The following PRELID2 variants were observed in gnomAD, a reference collection of about 807,000 sequenced individuals.
PRELID2 encodes the protein PRELI domain containing 2.
PRELID2 carries 25 observed loss-of-function variants against 28.4 expected under a neutral mutation model. That is an observed-to-expected ratio of 0.88 (90% CI 0.64 to 1.23). The LOEUF is 1.23. PRELID2 is among the 50% of genes most tolerant of loss of function. The pLI, the probability that PRELID2 is intolerant of heterozygous loss-of-function variation, is 0.00. For synonymous variants in PRELID2, 76 were observed against 71.6 expected (o/e 1.06, Z -0.31); for missense variants, 201 against 214.4 (o/e 0.94, Z 0.39).
intron 1 of PRELID2, among the ~76,000 whole-genome samples, chr5:145,592,833 A>C (rs576127885): frequency 6.6e-6 from 1 of 152,246 alleles, no homozygotes; most frequent in Non-Finnish European, 1.5e-5. Flanking sequence ...TATTAAGCTA[A>C]CTATGTAATG....
At chr5:145,784,648 A>T (rs2149799923) in intron 5 of PRELID2, among the ~76,000 whole-genome samples, 1 of 152,342 alleles carries the variant, frequency 6.6e-6, no homozygotes, top group Admixed American at 6.5e-5. Flanking sequence ...ATAGAAACCA[A>T]CAATAACAGC....
the PRELID2 span, among the ~76,000 whole-genome samples, chr5:145,246,172 C>A: frequency 1.3e-5 from 2 of 152,044 alleles, no homozygotes; most frequent in Non-Finnish European, 2.9e-5. Flanking sequence ...TAATTAATGT[C>A]ACGTGTCTTT....
At chr5:145,350,889 T>C in the PRELID2 span, among the ~76,000 whole-genome samples, 3 of 152,154 alleles carry the variant, frequency 2.0e-5, no homozygotes, top group Non-Finnish European at 4.4e-5. Context: ...GCTTGTGAGA[T>C]TTGGTCTTAG....
chr5:145,327,538 T>A, the PRELID2 span, among the ~76,000 whole-genome samples: 1 of 152,108 alleles, frequency 6.6e-6, no homozygotes, highest in African/African-American at 2.4e-5. Flanking sequence ...GTAGGAAGCA[T>A]ATTACTGGAT....
intron 1 of PRELID2, among the ~76,000 whole-genome samples, chr5:145,527,412 C>A (rs1752617502): frequency 6.6e-6 from 1 of 152,150 alleles, no homozygotes; most frequent in Non-Finnish European, 1.5e-5. Flanking sequence ...CTGGGTTAAG[C>A]ATACATAGGA....
At chr5:145,422,950 G>A in the PRELID2 span, among the ~76,000 whole-genome samples, 2 of 150,844 alleles carry the variant, frequency 1.3e-5, no homozygotes, top group Non-Finnish European at 3.0e-5. Context: ...AAATCTCTCA[G>A]CATTTGCTTG....
rs149744488 is a variant in PRELID2 at position 145,824,954 on chromosome 5, G to A, written c.76-1820C>T. 9.4e-4 allele frequency among the ~76,000 whole-genome samples: 143 copies of A among 152,102 alleles called. 1 individual carries two copies. Among genetic ancestry groups the A allele is most frequent in the Middle Eastern group, 3.4e-3 (1 of 292 alleles). On this transcript the variant is annotated intron_variant, in intron 1 of 6. Coordinates refer to ENST00000683046, the MANE Select transcript of PRELID2 (RefSeq NM_205846.3). Reference sequence around the variant, plus strand: ...GAAAAAAAAATGCTTGGCTGGGCATGGAGGTTCATGCCTGTAATCCCAGCA... The same window carrying A: ...GAAAAAAAAATGCTTGGCTGGGCATAGAGGTTCATGCCTGTAATCCCAGCA...
the PRELID2 span, among the ~76,000 whole-genome samples, chr5:145,357,911 A>AT: frequency 0.28 from 40,199 of 142,466 alleles, 5,452 homozygotes; most frequent in South Asian, 0.35. Flanking sequence ...TGTCCCTTGG[A>AT]TTTTTTTTTT....
chr5:145,717,150 A>ATAGCTACATT (rs1348045241), intron 1 of PRELID2, among the ~76,000 whole-genome samples: 11 of 152,190 alleles, frequency 7.2e-5, no homozygotes, highest in Non-Finnish European at 1.6e-4. Context: ...TAAATCATGC[A>ATAGCTACATT]TAGCTACATT....
At position 145,742,328 on chromosome 5, in the gene PRELID2, A is replaced by ATTTT. The variant is rs553094695; in HGVS notation, n.70+22599_70+22602dup. On this transcript the variant is annotated intron_variant and non_coding_transcript_variant, in intron 1 of 2. Coordinates refer to the PRELID2 transcript ENST00000510259. ...TATATATATAAATAAAAATAGATAT[A>ATTTT]TTTTTTTTTTCTGGCTACATCCTAC... 4.4e-5 allele frequency among the ~76,000 whole-genome samples: 6 copies of ATTTT among 137,726 alleles called. No individual in the cohort carries two copies. In the East Asian group the frequency reaches 6.4e-4, roughly 15 times the overall value. The allele number at this position is 137,726 out of a possible 152,430, so 90.4% of individuals were successfully genotyped here. A position where few individuals can be genotyped will look rare whatever the true frequency, so the allele number is the denominator to read the frequency against.
chr5:145,710,797 A>G (rs1044078404), intron 1 of PRELID2, among the ~76,000 whole-genome samples: 1 of 152,252 alleles, frequency 6.6e-6, no homozygotes, highest in African/African-American at 2.4e-5. Context: ...AAGGTTCTTT[A>G]CAGAGGTTTC....
the PRELID2 span, among the ~76,000 whole-genome samples, chr5:145,286,316 A>T: frequency 6.6e-6 from 1 of 152,188 alleles, no homozygotes; most frequent in Admixed American, 6.5e-5. Flanking sequence ...TATGCTTGTT[A>T]TACTATCCTT....
At chr5:145,717,957 A>G (rs1755887183) in intron 1 of PRELID2, among the ~76,000 whole-genome samples, 2 of 151,968 alleles carry the variant, frequency 1.3e-5, no homozygotes, top group South Asian at 4.1e-4. Context: ...TTGACATTAT[A>G]CTACATTAAA....
intron 1 of PRELID2, among the ~76,000 whole-genome samples, chr5:145,566,251 CAT>C (rs1561507486): frequency 6.6e-6 from 1 of 152,174 alleles, no homozygotes; most frequent in Non-Finnish European, 1.5e-5. Flanking sequence ...GTATAACTGA[CAT>C]ATTCTAAATT....
chr5:145,457,348 G>T, the PRELID2 span, among the ~76,000 whole-genome samples: 1 of 152,098 alleles, frequency 6.6e-6, no homozygotes, highest in Non-Finnish European at 1.5e-5. Context: ...CTTTGGCAAG[G>T]GAGTAGGTGC....
At chr5:145,419,989 T>A in the PRELID2 span, among the ~76,000 whole-genome samples, 7 of 152,064 alleles carry the variant, frequency 4.6e-5, no homozygotes, top group Non-Finnish European at 1.0e-4. Context: ...AAATAGGGAA[T>A]CCTTTCCCCA....
At chr5:145,686,160 ACATG>A (rs1755035002) in intron 1 of PRELID2, among the ~76,000 whole-genome samples, 3 of 152,184 alleles carry the variant, frequency 2.0e-5, no homozygotes, top group Non-Finnish European at 4.4e-5. Flanking sequence ...TAAGTCTGTT[ACATG>A]CCTTCCTGTA....
chr5:145,797,147 A>T lies in PRELID2; in HGVS notation c.369-600T>A, dbSNP rs1752815590. On this transcript the variant is annotated intron_variant, in intron 4 of 6. Transcript: ENST00000683046. Reference sequence around the variant, plus strand: ...TCAATATTAATTATCTTCATGTCATAAAACAGAGATCTAGATTACACTTAA... The same window carrying T: ...TCAATATTAATTATCTTCATGTCATTAAACAGAGATCTAGATTACACTTAA... Among the ~76,000 whole-genome samples the T allele has an allele frequency of 2.0e-5, 3 of 152,182 alleles. No homozygotes were observed. In the South Asian group the frequency reaches 6.2e-4, roughly 32 times the overall value.
rs575716403 is a variant in PRELID2 at position 145,514,851 on chromosome 5, C to T, written n.71-41536G>A. On this transcript the variant is annotated intron_variant and non_coding_transcript_variant, in intron 1 of 2. Coordinates refer to the PRELID2 transcript ENST00000510259. Reference sequence around the variant, plus strand: ...CAAATTAGAACTCGTGATTAAGAAACTCACTCAAAACCGCACAACTACATG... The same window carrying T: ...CAAATTAGAACTCGTGATTAAGAAATTCACTCAAAACCGCACAACTACATG... Among the ~76,000 whole-genome samples, 405 of 152,282 alleles carry T rather than the reference C, an allele frequency of 2.7e-3. 4 individuals are homozygous for T. Among genetic ancestry groups the T allele is most frequent in the African/African-American group, 9.3e-3 (386 of 41,556 alleles).
Sources: allele counts gnomAD v4.1 joint callset (sites outside exome capture counted in the v4.1 genomes callset), GRCh38; gene constraint gnomAD v4.1.1; transcripts MANE v1.5; gene names NCBI Gene and HGNC (gene_info 2026-07-23, HGNC 2026-07-21).